Variants in DLL4 observed in about 807,000 individuals in gnomAD.
DLL4 encodes the protein delta like canonical Notch ligand 4, also known as delta-like protein 4.
DLL4 carries 7 observed loss-of-function variants against 73.6 expected under a neutral mutation model. The observed-to-expected ratio is 0.10, with a 90% CI of 0.05 to 0.18. The LOEUF is 0.18. Ranked by LOEUF, DLL4 falls within the 10% of genes least tolerant of loss-of-function variation. DLL4 has a pLI of 1.00. For synonymous variants in DLL4, 345 were observed against 374.3 expected (o/e 0.92, Z 0.90); for missense variants, 614 against 929.9 (o/e 0.66, Z 4.42).
At chr15:40,932,084 T>A (rs2140369425) in intron 4 of DLL4, 87 bp from the exon 5 acceptor site, 2 of 1,485,682 alleles carry the variant, frequency 1.3e-6, no homozygotes, top group East Asian at 4.6e-5. Context: ...CCAGGAGAGC[T>A]AGGGGATCCC....
intron 3 of DLL4, chr15:40,931,211 C>G: frequency 2.0e-6 from 1 of 496,366 alleles, no homozygotes; most frequent in Non-Finnish European, 3.6e-6. Flanking sequence ...ACCTCTTTTC[C>G]TCTTTCCCCT....
rs1226048886 is a variant in DLL4 at position 40,929,922 on chromosome 15, C to A, written c.142C>A (p.Arg48=). ...CGAGCGCGGCGTACTGGCCAGTGGG[C>A]GGCCTTGCGAGCCCGGCTGCCGGAC... ...INERGVLASG[R]PCEPGCRTFF... The change falls in exon 2 of 11, where the codon CGG becomes AGG. Residue 48 remains arginine, a synonymous_variant. Transcript: ENST00000249749. This position sits in a 1 kb window ranked among gnomAD's most constrained non-coding sequence, Gnocchi z 7.1. 1.2e-6 allele frequency: 2 copies of A among 1,612,908 alleles called. No individual in the cohort carries two copies. Among genetic ancestry groups the A allele is most frequent in the Non-Finnish European group, 8.5e-7 (1 of 1,179,826 alleles).
chr15:40,936,135 A>C, intron 8 of DLL4, 93 bp from the exon 9 acceptor site: 5 of 1,095,396 alleles, frequency 4.6e-6, no homozygotes, highest in South Asian at 1.6e-5. Flanking sequence ...TGGAGGTAGA[A>C]GGGCCCGAAC....
rs769363130 is a variant in DLL4, at chr15:40,936,375, T to C, written c.1388T>C (p.Met463Thr). 3.7e-6 allele frequency: 6 copies of C among 1,611,632 alleles called. No homozygotes were observed. The highest frequency in any genetic ancestry group is 2.2e-5 in the South Asian group (2 of 90,704). The part of the protein sequence containing the change: ...GTCHDLENGL[M>T]CTCPAGFSGR... ...TGCCATGACCTGGAGAATGGGCTCA[T>C]GTGCACCTGCCCTGCCGGCTTCTCT... Residue 463 changes from methionine to threonine, a missense_variant, in exon 9 of 11, where the codon ATG becomes ACG. Physicochemically the swap from Met to Thr is moderately conservative, Grantham distance 81 (BLOSUM62 -1). Transcript: ENST00000249749.
rs374587964 is a variant in DLL4 at position 40,936,286 on chromosome 15, G to A, written c.1299G>A (p.Thr433=). ...SRMCRCRPGF[T]GTYCELHVSD... is the part of the protein sequence containing the mutation. ...TGTGCCGCTGCCGTCCTGGATTCAC[G>A]GGCACCTACTGTGAACTCCACGTCA... Residue 433 remains threonine (T), a synonymous_variant, in exon 9 of 11, where the codon ACG becomes ACA. Transcript: ENST00000249749. 6.0e-5 allele frequency: 97 copies of A among 1,608,964 alleles called. No homozygotes were observed. Among genetic ancestry groups the A allele is most frequent in the Middle Eastern group, 3.3e-4 (2 of 5,978 alleles).
At position 40,932,312 on chromosome 15, in the gene DLL4, C is replaced by T; in HGVS notation, c.720-5C>T. The T allele has an allele frequency of 6.2e-7, 1 of 1,614,022 alleles. No individual in the cohort carries two copies. Among genetic ancestry groups the T allele is most frequent in the Non-Finnish European group, 8.5e-7 (1 of 1,179,888 alleles). On this transcript the variant is annotated splice_region_variant and splice_polypyrimidine_tract_variant and intron_variant, in intron 5 of 10. Transcript: ENST00000249749. ...ACCTCACTCTGCCTCTCTCTTGTTCCCCAGCTGCCGCCCAGGCTGGCAGGG... is the reference window on the plus strand; with the variant it reads ...ACCTCACTCTGCCTCTCTCTTGTTCTCCAGCTGCCGCCCAGGCTGGCAGGG...
At position 40,936,380 on chromosome 15, in the gene DLL4, A is replaced by G. The variant is rs1223524485; in HGVS notation, c.1393A>G (p.Thr465Ala). ...CHDLENGLMC[T>A]CPAGFSGRRC... ...TGACCTGGAGAATGGGCTCATGTGC[A>G]CCTGCCCTGCCGGCTTCTCTGGCCG... The change falls in exon 9 of 11, where the codon ACC becomes GCC. Residue 465 changes from threonine (T) to alanine (A), a missense_variant. This residue lies in a region of DLL4 where 386 missense variants were observed against 541.3 expected (regional missense o/e 0.71). Coordinates refer to ENST00000249749, the MANE Select transcript of DLL4 (RefSeq NM_019074.4). The G allele has an allele frequency of 1.9e-6, 3 of 1,611,248 alleles. No individual in the cohort carries two copies. In the East Asian group the frequency reaches 6.7e-5, roughly 36 times the overall value.
At chr15:40,932,743 A>G (rs1160892777) in intron 6 of DLL4, among the ~76,000 whole-genome samples, 1 of 152,130 alleles carries the variant, frequency 6.6e-6, no homozygotes, top group Non-Finnish European at 1.5e-5. Flanking sequence ...AAAGCCAAAG[A>G]GAGAGGGATG....
In DLL4 at chr15:40,930,657, C is replaced by A; in HGVS notation, c.369C>A (p.His123Gln). 1 of 1,613,854 alleles carries A rather than the reference C, an allele frequency of 6.2e-7. No individual in the cohort carries two copies. The change falls in exon 3 of 11, where the codon CAC becomes CAA. Residue 123 changes from histidine (H) to glutamine (Q), a missense_variant. Physicochemically the swap from His to Gln is conservative, Grantham distance 24. This residue lies in a region of DLL4 where 227 missense variants were observed against 370.8 expected (regional missense o/e 0.61). Coordinates refer to ENST00000249749, the MANE Select transcript of DLL4 (RefSeq NM_019074.4). The surrounding 1 kb of genome is among the most constrained non-coding windows in gnomAD (Gnocchi z 5.7). Reference sequence around the variant, plus strand: ...TCTCGCTCATCATCGAAGCTTGGCACGCGCCAGGAGACGACCTGCGGCCAG... The same window carrying A: ...TCTCGCTCATCATCGAAGCTTGGCAAGCGCCAGGAGACGACCTGCGGCCAG... The part of the protein sequence containing the change: ...GTFSLIIEAW[H>Q]APGDDLRPEA...
rs146824102 is a variant in DLL4 at position 40,937,085 on chromosome 15, C to T, written c.1943+155C>T. The stretch of plus-strand genomic sequence containing the variant: ...GGATTTCTGTCAGGGGTCCTTTGTC[C>T]TTCCCTCCCATTCATTCATTTGTTC... On this transcript the variant is annotated intron_variant, in intron 9 of 10. Coordinates refer to ENST00000249749, the MANE Select transcript of DLL4 (RefSeq NM_019074.4). 6.6e-4 allele frequency among the ~76,000 whole-genome samples: 101 copies of T among 152,330 alleles called. 1 individual carries two copies. Among genetic ancestry groups the T allele is most frequent in the African/African-American group, 2.4e-3 (99 of 41,570 alleles).
chr15:40,933,621 A>T (rs1158376348), intron 6 of DLL4, among the ~76,000 whole-genome samples: 1 of 151,986 alleles, frequency 6.6e-6, no homozygotes, highest in East Asian at 1.9e-4. Context: ...GGCTTATCTC[A>T]GCTGCCCCTC....
chr15:40,936,857 C>T lies in DLL4; in HGVS notation c.1870C>T (p.Arg624Trp), dbSNP rs754788022. 33 of 1,613,096 alleles carry T rather than the reference C, an allele frequency of 2.0e-5. No individual in the cohort carries two copies. The highest frequency in any genetic ancestry group is 1.7e-4 in the Admixed American group (10 of 59,994). ...TAATCTGGCCCCAGGGCCCCTGGGG[C>T]GGGGGACCATGCCAGGAAAGTTTCC... Reference protein sequence around the residue: ...DYNLAPGPLGRGTMPGKFPHS... With the variant: ...DYNLAPGPLGWGTMPGKFPHS... Residue 624 changes from arginine (R) to tryptophan (W), a missense_variant, in exon 9 of 11, where the codon CGG becomes TGG. This residue lies in a region of DLL4 where 386 missense variants were observed against 541.3 expected (regional missense o/e 0.71). Coordinates refer to ENST00000249749, the MANE Select transcript of DLL4 (RefSeq NM_019074.4).
chr15:40,936,305 C>G lies in DLL4; in HGVS notation c.1318C>G (p.His440Asp). The G allele has an allele frequency of 6.2e-7, 1 of 1,609,256 alleles. No homozygotes were observed. The highest frequency in any genetic ancestry group is 1.7e-5 in the Admixed American group (1 of 59,568). The change falls in exon 9 of 11, where the codon CAC (histidine) becomes GAC (aspartate). Residue 440 changes from histidine to aspartate, a missense_variant. Physicochemically the swap from His to Asp is moderately conservative, Grantham distance 81 (BLOSUM62 -1). Around this residue, in one of 3 missense-constraint regions of DLL4, gnomAD observed 386 missense variants for 541.3 expected, o/e 0.71. Transcript: ENST00000249749. Reference protein sequence around the residue: ...PGFTGTYCELHVSDCARNPCA... With the variant: ...PGFTGTYCELDVSDCARNPCA... ...ATTCACGGGCACCTACTGTGAACTC[C>G]ACGTCAGCGACTGTGCCCGTAACCC...
chr15:40,931,736 C>T lies in DLL4; in HGVS notation c.628C>T (p.Pro210Ser). Residue 210 changes from proline to serine, a missense_variant, in exon 4 of 11, where the codon CCC (proline) becomes TCC (serine). Coordinates refer to ENST00000249749, the MANE Select transcript of DLL4 (RefSeq NM_019074.4). ...CQPDGNLSCL[P>S]GWTGEYCQQP... ...GCCAGATGGCAACTTGTCCTGCCTG[C>T]CCGGTTGGACTGGGGAATATTGCCA... 1 of 1,613,782 alleles carries T rather than the reference C, an allele frequency of 6.2e-7. No individual in the cohort carries two copies. Among genetic ancestry groups the T allele is most frequent in the Non-Finnish European group, 8.5e-7 (1 of 1,179,886 alleles).
chr15:40,936,381 C>G lies in DLL4; in HGVS notation c.1394C>G (p.Thr465Ser). The G allele has an allele frequency of 6.2e-7, 1 of 1,611,622 alleles. No individual in the cohort carries two copies. Among genetic ancestry groups the G allele is most frequent in the Non-Finnish European group, 8.5e-7 (1 of 1,179,262 alleles). The change falls in exon 9 of 11, where the codon ACC becomes AGC. Residue 465 changes from threonine to serine, a missense_variant. Transcript: ENST00000249749. ...GACCTGGAGAATGGGCTCATGTGCA[C>G]CTGCCCTGCCGGCTTCTCTGGCCGA... ...CHDLENGLMC[T>S]CPAGFSGRRC... is the part of the protein sequence containing the mutation.
rs1030708613 is a variant in DLL4 at position 40,930,471 on chromosome 15, C to T, written c.337-154C>T. 8.5e-6 allele frequency: 6 copies of T among 707,258 alleles called. No individual in the cohort carries two copies. Among genetic ancestry groups the T allele is most frequent in the African/African-American group, 7.1e-5 (4 of 56,388 alleles). The allele number at this position is 707,258 out of a possible 1,614,324, so 43.8% of individuals were successfully genotyped here. A position where few individuals can be genotyped will look rare whatever the true frequency, so the allele number is the denominator to read the frequency against. On this transcript the variant is annotated intron_variant, in intron 2 of 10. Coordinates refer to ENST00000249749, the MANE Select transcript of DLL4 (RefSeq NM_019074.4). This position sits in a 1 kb window ranked among gnomAD's most constrained non-coding sequence, Gnocchi z 5.7. Reference sequence around the variant, plus strand: ...GGGTTCTCCTCTCGCCTTCCCTGCTCAAGCGCTACACTGTGCACAGCCCCG... The same window carrying T: ...GGGTTCTCCTCTCGCCTTCCCTGCTTAAGCGCTACACTGTGCACAGCCCCG...
At position 40,930,727 on chromosome 15, in the gene DLL4, C is replaced by T. The variant is rs1892756987; in HGVS notation, c.394+45C>T. The T allele has an allele frequency of 1.3e-6, 2 of 1,589,954 alleles. No individual in the cohort carries two copies. The highest frequency in any genetic ancestry group is 1.7e-6 in the Non-Finnish European group (2 of 1,159,820). ...ACCACAGGGGGGCGACACGGCGCAG[C>T]GCCGAAAGAGTTAATCTGTTCTAGG... is the stretch of plus-strand genomic sequence containing the variant. On this transcript the variant is annotated intron_variant, in intron 3 of 10. Coordinates refer to ENST00000249749, the MANE Select transcript of DLL4 (RefSeq NM_019074.4). The surrounding 1 kb of genome is among the most constrained non-coding windows in gnomAD (Gnocchi z 5.7).
Position 40,930,507 on chromosome 15 carries a change from C to T in DLL4, c.337-118C>T. 2 of 859,644 alleles carry T rather than the reference C, an allele frequency of 2.3e-6. No individual in the cohort carries two copies. Among genetic ancestry groups the T allele is most frequent in the Non-Finnish European group, 3.8e-6 (2 of 524,274 alleles). The allele number at this position is 859,644 out of a possible 1,614,324, so 53.3% of individuals were successfully genotyped here. The stretch of plus-strand genomic sequence containing the variant: ...CTGTGCACAGCCCCGTTATGTTGAC[C>T]CGGGCGCAGTAACTGAATCCTGCAA... On this transcript the variant is annotated intron_variant, in intron 2 of 10. Coordinates refer to ENST00000249749, the MANE Select transcript of DLL4 (RefSeq NM_019074.4). The surrounding 1 kb of genome is among the most constrained non-coding windows in gnomAD (Gnocchi z 5.7).
At position 40,932,419 on chromosome 15, in the gene DLL4, G is replaced by C. The variant is rs777574024; in HGVS notation, c.822G>C (p.Glu274Asp). 2 of 1,613,982 alleles carry C rather than the reference G, an allele frequency of 1.2e-6. No homozygotes were observed. Among genetic ancestry groups the C allele is most frequent in the South Asian group, 2.2e-5 (2 of 91,084 alleles). Residue 274 changes from glutamate (E) to aspartate (D), a missense_variant, in exon 6 of 11, where the codon GAG becomes GAC. Physicochemically the swap from Glu to Asp is conservative, Grantham distance 45 (BLOSUM62 2). Coordinates refer to ENST00000249749, the MANE Select transcript of DLL4 (RefSeq NM_019074.4). ...CSTPWQCTCD[E>D]GWGGLFCDQD... Reference sequence around the variant, plus strand: ...CTCCCTGGCAATGTACTTGTGATGAGGGCTGGGGAGGCCTGTTTTGTGACC... The same window carrying C: ...CTCCCTGGCAATGTACTTGTGATGACGGCTGGGGAGGCCTGTTTTGTGACC...
Sources: gnomAD v4.1 joint callset for allele counts (sites outside exome capture counted in the v4.1 genomes callset) on GRCh38, gnomAD v4.1.1 for gene constraint, gnomAD v4.1.1 regional missense constraint, Gnocchi (gnomAD v3.1) non-coding constraint, MANE v1.5 for transcripts, NCBI Gene and HGNC (gene_info 2026-07-23, HGNC 2026-07-21) for gene names.